Variants in ADI1 observed in about 807,000 individuals in gnomAD.
The protein encoded by ADI1 is acireductone dioxygenase.
Under a neutral mutation model 18.7 loss-of-function variants are expected in ADI1, and 21 were observed. The observed-to-expected ratio is 1.13, with a 90% CI of 0.80 to 1.62. The LOEUF (loss-of-function observed/expected upper bound fraction) is 1.62, where lower values mean the gene tolerates loss of function less well. Ranked by LOEUF, ADI1 falls within the 40% of genes most tolerant of loss-of-function variation. ADI1 has a pLI of 0.00. For synonymous variants in ADI1, 90 were observed against 100.1 expected (o/e 0.90, Z 0.60); for missense variants, 245 against 254.9 (o/e 0.96, Z 0.26).
At chr2:3,516,745 A>G in intron 1 of ADI1, 1 of 985,294 alleles carries the variant, frequency 1.0e-6, no homozygotes, top group Non-Finnish European at 1.2e-6. Context: ...AGCTAAAATA[A>G]TCTTCCAATT....
chr2:3,517,698 T>C (rs1020758091), intron 1 of ADI1: 3 of 150,876 alleles, frequency 2.0e-5, no homozygotes, highest in Non-Finnish European at 4.4e-5. Flanking sequence ...CTCGGGAAGA[T>C]GAGGTTGCGG....
At chr2:3,505,707 T>C (rs1291729298) in intron 2 of ADI1, among the ~76,000 whole-genome samples, 1 of 152,214 alleles carries the variant, frequency 6.6e-6, no homozygotes, top group African/African-American at 2.4e-5. Flanking sequence ...CTCCATGTTA[T>C]GGACTGAATA....
intron 2 of ADI1, among the ~76,000 whole-genome samples, chr2:3,503,134 C>T (rs1667063651): frequency 6.6e-6 from 1 of 152,110 alleles, no homozygotes; most frequent in Non-Finnish European, 1.5e-5. Flanking sequence ...CACAAACCTA[C>T]ACACGCACAC....
In ADI1 at chr2:3,497,435, G is replaced by A. The variant is rs908241591; in HGVS notation, c.*1528C>T. 1 of 152,156 alleles carries A rather than the reference G, an allele frequency of 6.6e-6. No individual in the cohort carries two copies. Among genetic ancestry groups the A allele is most frequent in the African/African-American group, 2.4e-5 (1 of 41,428 alleles). The allele number at this position is 152,156 out of a possible 1,614,324, so 9.4% of individuals were successfully genotyped here. A position where few individuals can be genotyped will look rare whatever the true frequency, so the allele number is the denominator to read the frequency against. On this transcript the variant is annotated 3_prime_UTR_variant, in exon 4 of 4. Coordinates refer to ENST00000327435, the MANE Select transcript of ADI1 (RefSeq NM_018269.4). ...AAACGAAAGATGTGAGCAACATCCT[G>A]GGAAAAGAAAATGTGATTTCACCTT...
intron 2 of ADI1, among the ~76,000 whole-genome samples, chr2:3,507,077 T>C: frequency 6.6e-6 from 1 of 152,142 alleles, no homozygotes; most frequent in Admixed American, 6.5e-5. Flanking sequence ...GACTGGGTAA[T>C]TTATAAAGGA....
chr2:3,507,874 G>T (rs1409179048), intron 2 of ADI1, among the ~76,000 whole-genome samples: 3 of 152,136 alleles, frequency 2.0e-5, no homozygotes, highest in Non-Finnish European at 4.4e-5. Flanking sequence ...CATTGTAAGA[G>T]ATGGGAGGGA....
In ADI1 at chr2:3,503,305, ACT is replaced by A. The variant is rs1667074750; in HGVS notation, c.241-2314_241-2313del. Among the ~76,000 whole-genome samples the A allele has an allele frequency of 2.3e-5, 2 of 85,270 alleles. 1 individual carries two copies. The highest frequency in any genetic ancestry group is 4.1e-5 in the Non-Finnish European group (2 of 49,080). The allele number at this position is 85,270 out of a possible 152,430, so 55.9% of individuals were successfully genotyped here. Reference sequence around the variant, plus strand: ...CATTCACACACATGCACACATACACACTGACACGCACATTCACACACATGCAC... The same window carrying A: ...CATTCACACACATGCACACATACACAGACACGCACATTCACACACATGCAC... On this transcript the variant is annotated intron_variant, in intron 2 of 3. Coordinates refer to ENST00000327435, the MANE Select transcript of ADI1 (RefSeq NM_018269.4).
At chr2:3,500,482 G>C in intron 3 of ADI1, 12 of 208,214 alleles carry the variant, frequency 5.8e-5, no homozygotes, top group African/African-American at 1.9e-4. Flanking sequence ...ATGCCTCACC[G>C]CCAAGCAAGG....
rs1453369254 is a variant in ADI1 at position 3,501,118 on chromosome 2, A to T, written c.241-125T>A. 1.9e-5 allele frequency: 14 copies of T among 719,888 alleles called. No homozygotes were observed. The Admixed American group carries it at 4.5e-4, about 23-fold the overall frequency. 44.6% of individuals were successfully genotyped at this position (719,888 alleles called of 1,614,324 possible). ...AGGTGAATGGGACTTCTCTCCATAA[A>T]AATGAAACTACACTTGCTAAGAATT... On this transcript the variant is annotated intron_variant, in intron 2 of 3. Transcript: ENST00000327435.
Position 3,505,153 on chromosome 2 carries a change from CAT to C in ADI1, c.241-4162_241-4161del, listed in dbSNP as rs1279762674. Among the ~76,000 whole-genome samples the C allele has an allele frequency of 2.0e-5, 3 of 152,340 alleles. No homozygotes were observed. The East Asian group carries it at 5.8e-4, about 29-fold the overall frequency. On this transcript the variant is annotated intron_variant, in intron 2 of 3. Coordinates refer to ENST00000327435, the MANE Select transcript of ADI1 (RefSeq NM_018269.4). ...TATGTTTATATTGTTTGTTCACCTG[CAT>C]ATGTTTTCTAAAGAGCTTAGAAGCC...
At chr2:3,513,328 G>T (rs1667329044) in intron 2 of ADI1, among the ~76,000 whole-genome samples, 1 of 152,182 alleles carries the variant, frequency 6.6e-6, no homozygotes, top group Non-Finnish European at 1.5e-5. Flanking sequence ...TGAGATTTGG[G>T]AGGGGCCGGG....
chr2:3,500,467 T>A, intron 3 of ADI1: 1 of 445,128 alleles, frequency 2.2e-6, no homozygotes, highest in Non-Finnish European at 4.1e-6. Context: ...GTGACAACCC[T>A]AGAGATGCCT....
chr2:3,512,279 ACCTCTT>A (rs1376319637), intron 2 of ADI1, among the ~76,000 whole-genome samples: 1 of 152,236 alleles, frequency 6.6e-6, no homozygotes, highest in Non-Finnish European at 1.5e-5. Context: ...CATTTCAGAG[ACCTCTT>A]CCTAGAGAAA....
chr2:3,514,821 C>T lies in ADI1; in HGVS notation c.121-845G>A, dbSNP rs527831806. 26 of 1,549,024 alleles carry T rather than the reference C, an allele frequency of 1.7e-5. No individual in the cohort carries two copies. In the Admixed American group the frequency reaches 3.7e-4, roughly 22 times the overall value. On this transcript the variant is annotated intron_variant, in intron 1 of 3. Transcript: ENST00000327435. ...ATCACTACTTACTGAACAACAAACT[C>T]CAGTGTTGCAGGAAGTCAGGGACCC...
At chr2:3,506,305 G>A (rs1014343782) in intron 2 of ADI1, among the ~76,000 whole-genome samples, 1 of 152,166 alleles carries the variant, frequency 6.6e-6, no homozygotes, top group African/African-American at 2.4e-5. Context: ...AAATCCAAAA[G>A]AATCAACAAA....
intron 3 of ADI1, 187 bp downstream of exon 3, chr2:3,500,627 G>C (rs993595919): frequency 2.6e-6 from 2 of 758,262 alleles, no homozygotes; most frequent in Middle Eastern, 2.4e-4. Flanking sequence ...AGGCTGCCAC[G>C]GAAGGACAGC....
At chr2:3,505,467 C>T (rs1667156676) in intron 2 of ADI1, among the ~76,000 whole-genome samples, 1 of 152,168 alleles carries the variant, frequency 6.6e-6, no homozygotes, top group Admixed American at 6.5e-5. Flanking sequence ...GTAAATTTTA[C>T]CTGCAAAAGC....
chr2:3,508,334 C>CAAAAAAAAAAAAAAAAAAAAAA, intron 2 of ADI1, among the ~76,000 whole-genome samples: 27 of 26,924 alleles, frequency 1.0e-3, no homozygotes, highest in Non-Finnish European at 1.3e-3. Flanking sequence ...GACTCTGTCT[C>CAAAAAAAAAAAAAAAAAAAAAA]AAAAAAAAAA....
intron 1 of ADI1, chr2:3,516,695 T>C: frequency 1.0e-6 from 1 of 977,328 alleles, no homozygotes; most frequent in Non-Finnish European, 1.2e-6. Context: ...TAAGCTATTT[T>C]TGTCATTTTG....
Sources: gnomAD v4.1 joint callset for allele counts (sites outside exome capture counted in the v4.1 genomes callset) on GRCh38, gnomAD v4.1.1 for gene constraint, MANE v1.5 for transcripts, NCBI Gene and HGNC (gene_info 2026-07-23, HGNC 2026-07-21) for gene names.